Variants in MAPT observed in about 807,000 individuals in gnomAD.
MAPT encodes the protein microtubule associated protein tau, also known as microtubule-associated protein tau.
MAPT carries 34 observed loss-of-function variants against 67.9 expected under a neutral mutation model. That is an observed-to-expected ratio of 0.50 (90% CI 0.38 to 0.67). The LOEUF (loss-of-function observed/expected upper bound fraction) is 0.67. Among genes scored for constraint, MAPT ranks in the 30% least tolerant of loss-of-function variants. The pLI, the probability that MAPT is intolerant of heterozygous loss-of-function variation, is 0.00. For missense variants in MAPT, 881 were observed against 1,115.2 expected (o/e 0.79, Z 2.99); for synonymous variants, 456 against 464.5 (o/e 0.98, Z 0.23).
At chr17:45,928,886 T>G (rs62061705) in intron 1 of MAPT, among the ~76,000 whole-genome samples, 1 of 151,950 alleles carries the variant, frequency 6.6e-6, no homozygotes, top group African/African-American at 2.4e-5. Context: ...TTAGTAGAGA[T>G]GGGGTTTCAC....
chr17:45,990,578 C>T lies in MAPT; in HGVS notation c.1605+503C>T, dbSNP rs1199906371. ...TTGTAGTTAGCTCCAGCTTGGGCGA[C>T]AGAGCAAGACCCTGTCGCAAAAATT... On this transcript the variant is annotated intron_variant, in intron 7 of 12. Coordinates refer to ENST00000262410, the MANE Select transcript of MAPT (RefSeq NM_001377265.1). 1.6e-5 allele frequency: 6 copies of T among 374,110 alleles called. No homozygotes were observed. In the East Asian group the frequency reaches 2.5e-4, roughly 16 times the overall value. The allele number at this position is 374,110 out of a possible 1,614,324, so 23.2% of individuals were successfully genotyped here. A position where few individuals can be genotyped will look rare whatever the true frequency, so the allele number is the denominator to read the frequency against.
chr17:45,964,584 A>G (rs2070838540), intron 2 of MAPT, among the ~76,000 whole-genome samples: 1 of 151,788 alleles, frequency 6.6e-6, no homozygotes, highest in African/African-American at 2.4e-5. Context: ...CTCAAGAGGC[A>G]GAGGCAGGAG....
intron 10 of MAPT, among the ~76,000 whole-genome samples, chr17:46,013,889 AT>A (rs1416850991): frequency 6.6e-6 from 1 of 152,040 alleles, no homozygotes; most frequent in Non-Finnish European, 1.5e-5. Context: ...AGGGAGTGAC[AT>A]TTTTACACTT....
intron 11 of MAPT, among the ~76,000 whole-genome samples, chr17:46,015,967 G>A (rs999168338): frequency 6.6e-6 from 1 of 152,134 alleles, no homozygotes; most frequent in South Asian, 2.1e-4. Flanking sequence ...TCTCAGACTC[G>A]AGGTTCAGCT....
At chr17:45,913,822 G>A (rs1462247120) in intron 1 of MAPT, among the ~76,000 whole-genome samples, 1 of 152,216 alleles carries the variant, frequency 6.6e-6, no homozygotes, top group Non-Finnish European at 1.5e-5. Context: ...TGGGCATGAG[G>A]CTTCTCTGCT....
At chr17:46,002,538 G>C (rs1026573979) in intron 9 of MAPT, among the ~76,000 whole-genome samples, 1 of 152,160 alleles carries the variant, frequency 6.6e-6, no homozygotes, top group African/African-American at 2.4e-5. Context: ...GGTTGGCTCT[G>C]AGAAGATGGA....
intron 2 of MAPT, among the ~76,000 whole-genome samples, chr17:45,968,222 C>T (rs1016216794): frequency 6.6e-6 from 1 of 150,912 alleles, no homozygotes; most frequent in African/African-American, 2.4e-5. Context: ...AAAAAAACCC[C>T]ACCATTCTGA....
intron 12 of MAPT, 127 bp downstream of exon 12, chr17:46,018,857 T>C: frequency 2.8e-6 from 2 of 722,066 alleles, no homozygotes; most frequent in Non-Finnish European, 4.9e-6. Flanking sequence ...TGGCTGGATG[T>C]GGGCCCTCAG....
intron 1 of MAPT, among the ~76,000 whole-genome samples, chr17:45,950,103 C>T (rs973305300): frequency 1.3e-5 from 2 of 152,060 alleles, no homozygotes; most frequent in African/African-American, 2.4e-5. Context: ...CACTGGGGCT[C>T]GGTGGCCTTG....
chr17:46,007,781 G>A (rs976880751), intron 9 of MAPT, among the ~76,000 whole-genome samples: 3 of 152,176 alleles, frequency 2.0e-5, no homozygotes, highest in Non-Finnish European at 2.9e-5. Flanking sequence ...GAGTTGTACC[G>A]AGAGGTTTTA....
chr17:45,937,966 G>T (rs2067503001), intron 1 of MAPT, among the ~76,000 whole-genome samples: 1 of 152,150 alleles, frequency 6.6e-6, no homozygotes, highest in Admixed American at 6.5e-5. Context: ...GACCAAGGGT[G>T]GTAAATGGCT....
intron 1 of MAPT, among the ~76,000 whole-genome samples, chr17:45,904,554 T>TGATG (rs2064163600): frequency 6.7e-6 from 1 of 149,770 alleles, no homozygotes; most frequent in Non-Finnish European, 1.5e-5. Flanking sequence ...TAGCTGGGCA[T>TGATG]GATGGCATGT....
Position 45,991,466 on chromosome 17 carries a change from G to A in MAPT, c.1612G>A (p.Asp538Asn). Residue 538 changes from aspartate to asparagine, a missense_variant, in exon 8 of 13, where the codon GAT (aspartate) becomes AAT (asparagine). Transcript: ENST00000262410. ...GAKEMKLKGADGKTKIATPRG... is the reference protein window; with the variant it reads ...GAKEMKLKGANGKTKIATPRG... ...TATCATGTTTCATTTACAGGGGGCT[G>A]ATGGTAAAACGAAGATCGCCACACC... is the stretch of plus-strand genomic sequence containing the variant. The A allele has an allele frequency of 6.2e-7, 1 of 1,614,220 alleles. No homozygotes were observed. Among genetic ancestry groups the A allele is most frequent in the South Asian group, 1.1e-5 (1 of 91,076 alleles).
chr17:45,903,835 TATA>T (rs2063809368), intron 1 of MAPT, among the ~76,000 whole-genome samples: 1 of 402 alleles, frequency 2.5e-3, no homozygotes, highest in African/African-American at 4.0e-3. Flanking sequence ...TTATATATTA[TATA>T]TTTTATATAT....
chr17:46,009,732 A>G (rs2075695187), intron 9 of MAPT, among the ~76,000 whole-genome samples: 1 of 152,122 alleles, frequency 6.6e-6, no homozygotes. Flanking sequence ...TCACCAGGGG[A>G]ACTTTTCAAA....
chr17:45,988,722 T>A (rs62063794), intron 6 of MAPT, among the ~76,000 whole-genome samples: 22,059 of 151,948 alleles, frequency 0.15, 2,147 homozygotes, highest in Non-Finnish European at 0.22. Flanking sequence ...GCCCAAGAGT[T>A]CTAGACCAGC....
chr17:45,920,520 C>T (rs530430009), intron 1 of MAPT, among the ~76,000 whole-genome samples: 1 of 152,194 alleles, frequency 6.6e-6, no homozygotes, highest in Non-Finnish European at 1.5e-5. Context: ...ATTGCTGCCT[C>T]AAGGGGTCTC....
chr17:45,968,368 A>G (rs2071303366), intron 2 of MAPT, among the ~76,000 whole-genome samples: 1 of 152,060 alleles, frequency 6.6e-6, no homozygotes, highest in South Asian at 2.1e-4. Context: ...TTCCTATCCA[A>G]TGACTTCCCT....
chr17:46,014,832 G>C (rs748708529), intron 11 of MAPT, among the ~76,000 whole-genome samples: 2 of 151,414 alleles, frequency 1.3e-5, no homozygotes, highest in Non-Finnish European at 2.9e-5. Flanking sequence ...GGAGTGAGCA[G>C]AGATCGCGCC....
Sources: gnomAD v4.1 joint callset for allele counts (sites outside exome capture counted in the v4.1 genomes callset) on GRCh38, gnomAD v4.1.1 for gene constraint, MANE v1.5 for transcripts, NCBI Gene and HGNC (gene_info 2026-07-23, HGNC 2026-07-21) for gene names.